PAX2: variants seen among roughly 807,000 people sequenced by gnomAD.
PAX2 encodes paired box 2, also known as paired box protein Pax-2.
In PAX2, 9 loss-of-function variants were observed where a neutral mutation model predicts 41.7. The ratio of observed to expected loss-of-function variants is 0.22; its 90% CI spans 0.13 to 0.38. PAX2 has a LOEUF of 0.38. Among genes scored for constraint, PAX2 ranks in the 10% least tolerant of loss-of-function variants. The probability of loss-of-function intolerance (pLI) is 1.00; values close to 1 mark genes in which losing one functional copy is unlikely to be tolerated. For synonymous variants in PAX2, 221 were observed against 212.7 expected (o/e 1.04, Z -0.34); for missense variants, 418 against 531.6 (o/e 0.79, Z 2.10).
At chr10:100,756,284 G>A (rs907390963) in intron 3 of PAX2, among the ~76,000 whole-genome samples, 2 of 152,108 alleles carry the variant, frequency 1.3e-5, no homozygotes, top group African/African-American at 2.4e-5. Context: ...CCCATTGTCC[G>A]CTCCCAGCTT....
At chr10:100,822,316 G>A (rs1848399872) in intron 7 of PAX2, among the ~76,000 whole-genome samples, 1 of 151,994 alleles carries the variant, frequency 6.6e-6, no homozygotes, top group African/African-American at 2.4e-5. Context: ...ATAATCTATT[G>A]TTTAAATTGT....
intron 3 of PAX2, among the ~76,000 whole-genome samples, chr10:100,751,680 T>C (rs1209152760): frequency 1.3e-5 from 2 of 152,128 alleles, no homozygotes; most frequent in Non-Finnish European, 1.5e-5. Context: ...TCCAGTGTGC[T>C]CTCGGGGAGA....
intron 7 of PAX2, among the ~76,000 whole-genome samples, chr10:100,816,401 C>T (rs867390360): frequency 6.6e-6 from 1 of 152,160 alleles, no homozygotes; most frequent in Non-Finnish European, 1.5e-5. Context: ...CTTTTTAGTC[C>T]GTTATTTGGT....
At chr10:100,813,463 T>C (rs1564741185) in intron 7 of PAX2, among the ~76,000 whole-genome samples, 1 of 152,188 alleles carries the variant, frequency 6.6e-6, no homozygotes, top group Non-Finnish European at 1.5e-5. Context: ...GGCATCACAC[T>C]GGAGGGAGAT....
At chr10:100,792,711 C>T (rs143207570) in intron 5 of PAX2, among the ~76,000 whole-genome samples, 3 of 151,888 alleles carry the variant, frequency 2.0e-5, no homozygotes, top group East Asian at 1.9e-4. Context: ...CTTTCTCCCC[C>T]CTGCTCTCTC....
intron 1 of PAX2, 189 bp from the exon 2 acceptor site, chr10:100,749,557 C>T: frequency 4.3e-6 from 6 of 1,398,744 alleles, no homozygotes; most frequent in African/African-American, 2.9e-5. Flanking sequence ...CAGTCTTCAG[C>T]CCAGCGTCTG....
chr10:100,822,004 T>C (rs1235156022), intron 7 of PAX2, among the ~76,000 whole-genome samples: 3 of 152,198 alleles, frequency 2.0e-5, no homozygotes, highest in Non-Finnish European at 4.4e-5. Flanking sequence ...TTGATATTGC[T>C]GTCATTGTCT....
chr10:100,779,452 T>A (rs776956884), intron 3 of PAX2, 46 bp from the exon 4 acceptor site: 1 of 1,480,366 alleles, frequency 6.8e-7, no homozygotes. Context: ...TTGGCCGGGA[T>A]AGGAGTGGGC....
intron 3 of PAX2, among the ~76,000 whole-genome samples, chr10:100,753,490 A>T (rs1161284045): frequency 6.6e-6 from 1 of 152,188 alleles, no homozygotes; most frequent in Non-Finnish European, 1.5e-5. Context: ...GGGAATTCTC[A>T]CTCACTGTAG....
chr10:100,820,728 A>G (rs1848354731), intron 7 of PAX2, among the ~76,000 whole-genome samples: 1 of 152,224 alleles, frequency 6.6e-6, no homozygotes, highest in South Asian at 2.1e-4. Flanking sequence ...AACGAAAAAC[A>G]AAAAACAACT....
At chr10:100,754,935 A>G (rs1160323989) in intron 3 of PAX2, among the ~76,000 whole-genome samples, 2 of 152,176 alleles carry the variant, frequency 1.3e-5, no homozygotes, top group Admixed American at 1.3e-4. Context: ...TGGAGAGTTC[A>G]GAAAAAGACT....
At chr10:100,810,043 C>T (rs866898610) in intron 7 of PAX2, among the ~76,000 whole-genome samples, 1 of 152,136 alleles carries the variant, frequency 6.6e-6, no homozygotes, top group South Asian at 2.1e-4. Context: ...TAAAATTCAC[C>T]TAATTATTCT....
intron 1 of PAX2, chr10:100,749,129 A>T: frequency 1.0e-6 from 1 of 985,632 alleles, no homozygotes; most frequent in African/African-American, 1.7e-5. Context: ...ACTTCCCATC[A>T]AAAACAAACA....
At chr10:100,793,802 G>A (rs922102461) in intron 5 of PAX2, among the ~76,000 whole-genome samples, 1 of 152,174 alleles carries the variant, frequency 6.6e-6, no homozygotes, top group Non-Finnish European at 1.5e-5. Context: ...CCTCTCTGGG[G>A]ATCTTTGTAT....
intron 3 of PAX2, among the ~76,000 whole-genome samples, chr10:100,758,281 T>C (rs1186707605): frequency 4.6e-5 from 7 of 151,778 alleles, no homozygotes; most frequent in Admixed American, 6.6e-5. Flanking sequence ...GCTGGGACTA[T>C]AGGCGCCCAC....
chr10:100,816,693 A>T (rs1848196663), intron 7 of PAX2, among the ~76,000 whole-genome samples: 1 of 152,182 alleles, frequency 6.6e-6, no homozygotes, highest in Admixed American at 6.5e-5. Flanking sequence ...TAGCCTCAGG[A>T]CAAACAAGCT....
At chr10:100,787,332 G>T (rs1173677171) in intron 5 of PAX2, among the ~76,000 whole-genome samples, 1 of 152,174 alleles carries the variant, frequency 6.6e-6, no homozygotes, top group East Asian at 1.9e-4. Flanking sequence ...AGGAGACCTG[G>T]AAGCACCTGA....
intron 5 of PAX2, among the ~76,000 whole-genome samples, chr10:100,781,586 C>T (rs1458954374): frequency 2.0e-5 from 3 of 152,256 alleles, no homozygotes; most frequent in African/African-American, 7.2e-5. Context: ...GCTGCCTCAC[C>T]TGCCACTAGG....
In PAX2 at chr10:100,824,390, ACACAC is replaced by A. The variant is rs1848474582; in HGVS notation, c.920-257_920-253del. On this transcript the variant is annotated intron_variant, in intron 7 of 9. Transcript: ENST00000355243. This position sits in a 1 kb window ranked among gnomAD's most constrained non-coding sequence, Gnocchi z 6.6. ...CACACACACACACACACACACACAC[ACACAC>A]AAATACACAGAGACACAAAGAGCTA... Among the ~76,000 whole-genome samples the A allele has an allele frequency of 6.6e-6, 1 of 151,740 alleles. No individual in the cohort carries two copies. The highest frequency in any genetic ancestry group is 2.1e-4 in the South Asian group (1 of 4,798).
Sources: allele counts gnomAD v4.1 joint callset (sites outside exome capture counted in the v4.1 genomes callset), GRCh38; gene constraint gnomAD v4.1.1; non-coding constraint Gnocchi (gnomAD v3.1); transcripts MANE v1.5; gene names NCBI Gene and HGNC (gene_info 2026-07-23, HGNC 2026-07-21).